The following KAT6A variants were observed in gnomAD, a reference collection of about 807,000 sequenced individuals.
KAT6A encodes the protein lysine acetyltransferase 6A.
A neutral mutation model predicts 198.4 loss-of-function variants in KAT6A; 9 were observed. The observed-to-expected ratio is 0.05, with a 90% confidence interval of 0.03 to 0.08. The LOEUF (loss-of-function observed/expected upper bound fraction) is 0.08. Ranked by LOEUF, KAT6A falls within the 10% of genes least tolerant of loss-of-function variation. The pLI is 1.00. For synonymous variants in KAT6A, 890 were observed against 883.0 expected, an observed-to-expected ratio of 1.01 and a Z score of -0.14; for missense variants, 2,077 against 2,509.9, an observed-to-expected ratio of 0.83 and a Z score of 3.69.
At chr8:41,979,897 G>A (rs887129927) in intron 5 of KAT6A, among the ~76,000 whole-genome samples, 17 of 152,164 alleles carry the variant, frequency 1.1e-4, no homozygotes, top group African/African-American at 4.1e-4. Context: ...TACATGGGAG[G>A]CTGAGGCAGA....
chr8:42,009,364 T>G (rs1390563320), intron 2 of KAT6A, among the ~76,000 whole-genome samples: 3 of 151,626 alleles, frequency 2.0e-5, no homozygotes, highest in African/African-American at 7.3e-5. Context: ...CTTAGGAAAC[T>G]TCACAGGAAC....
At position 41,950,277 on chromosome 8, in the gene KAT6A, C is replaced by T. The variant is rs116718469; in HGVS notation, c.1599-914G>A. Among the ~76,000 whole-genome samples, 854 of 152,268 alleles carry T rather than the reference C, an allele frequency of 5.6e-3. 9 individuals are homozygous for T. The highest frequency in any genetic ancestry group is 0.019 in the African/African-American group (804 of 41,560). ...CTTCTTCACCACCACAGCTACAAAT[C>T]ACAGAATGAAATGGCTTGTTATAAA... On this transcript the variant is annotated intron_variant, in intron 9 of 16. Transcript: ENST00000265713.
At chr8:41,947,424 G>C (rs957495426) in intron 11 of KAT6A, among the ~76,000 whole-genome samples, 4 of 152,242 alleles carry the variant, frequency 2.6e-5, no homozygotes, top group African/African-American at 9.6e-5. Flanking sequence ...AAATAAGGAA[G>C]AGAAGATTGA....
At chr8:41,938,129 C>T (rs1244908220) in intron 15 of KAT6A, among the ~76,000 whole-genome samples, 7 of 152,184 alleles carry the variant, frequency 4.6e-5, no homozygotes, top group Non-Finnish European at 1.0e-4. Flanking sequence ...CTGAGCACAA[C>T]TTTGCACTGG....
rs373345297 is a variant in KAT6A at position 41,956,139 on chromosome 8, T to C, written c.1483-728A>G. ...GAATAATTTTTAAAGCCTTTATGAC[T>C]TCCCTGACTTTCCAGATCAGAAATT... On this transcript the variant is annotated intron_variant, in intron 8 of 16. Coordinates refer to ENST00000265713, the MANE Select transcript of KAT6A (RefSeq NM_006766.5). Among the ~76,000 whole-genome samples, 14 of 152,318 alleles carry C rather than the reference T, an allele frequency of 9.2e-5. No individual in the cohort carries two copies. The East Asian group carries it at 2.7e-3, about 29-fold the overall frequency.
In KAT6A at chr8:41,937,334, C is replaced by T; in HGVS notation, c.3274G>A (p.Asp1092Asn). 1.2e-6 allele frequency: 2 copies of T among 1,614,098 alleles called. No individual in the cohort carries two copies. The highest frequency in any genetic ancestry group is 1.7e-6 in the Non-Finnish European group (2 of 1,179,968). ...GAAGAGGACTGACACCTGAGTACATCCTGCGAAGACAAACGACGGAAGTAT... is the reference window on the plus strand; with the variant it reads ...GAAGAGGACTGACACCTGAGTACATTCTGCGAAGACAAACGACGGAAGTAT... ...REYFRRLSSQ[D>N]VLRCQSSSKR... Residue 1092 changes from aspartate (D) to asparagine (N), a missense_variant, in exon 16 of 17, where the codon GAT becomes AAT. Transcript: ENST00000265713.
chr8:41,984,313 T>A (rs1824499009), intron 3 of KAT6A, among the ~76,000 whole-genome samples: 1 of 152,152 alleles, frequency 6.6e-6, no homozygotes, highest in South Asian at 2.1e-4. Flanking sequence ...CACCTCACTC[T>A]CTCTCAGACA....
At chr8:41,990,898 G>A (rs558404281) in intron 2 of KAT6A, among the ~76,000 whole-genome samples, 3 of 151,464 alleles carry the variant, frequency 2.0e-5, no homozygotes, top group East Asian at 3.9e-4. Flanking sequence ...AGGAGGCTGA[G>A]GCAGAAGAAT....
chr8:41,941,290 C>A lies in KAT6A; in HGVS notation c.2591G>T (p.Arg864Leu). The A allele has an allele frequency of 1.9e-6, 3 of 1,614,104 alleles. No homozygotes were observed. Among genetic ancestry groups the A allele is most frequent in the Non-Finnish European group, 2.5e-6 (3 of 1,180,036 alleles). Residue 864 changes from arginine to leucine, a missense_variant, in exon 15 of 17, where the codon CGG (arginine) becomes CTG (leucine). Arg to Leu is a moderately radical substitution (Grantham distance 102). This residue lies in a region of KAT6A where 301 missense variants were observed against 272.2 expected (regional missense o/e 1.11). Coordinates refer to ENST00000265713, the MANE Select transcript of KAT6A (RefSeq NM_006766.5). ...DSLPANSQPSRRGRWGRKNRK... is the reference protein window; with the variant it reads ...DSLPANSQPSLRGRWGRKNRK... The stretch of plus-strand genomic sequence containing the variant: ...GTTCTTCCTCCCCCAGCGGCCCCTC[C>A]GAGATGGCTGGCTATTTGCAGGAAG...
At chr8:41,978,936 T>C (rs1050832564) in intron 5 of KAT6A, among the ~76,000 whole-genome samples, 159 bp from the exon 6 acceptor site, 4 of 152,138 alleles carry the variant, frequency 2.6e-5, no homozygotes, top group Admixed American at 6.5e-5. Context: ...CATTAAAACA[T>C]ATACACACAA....
chr8:41,937,119 T>TA, intron 16 of KAT6A, 137 bp downstream of exon 16: 2 of 641,236 alleles, frequency 3.1e-6, no homozygotes, highest in South Asian at 2.1e-5. Flanking sequence ...TACAACTTTT[T>TA]AGAGATTGCC....
chr8:41,952,638 C>G (rs1822721278), intron 9 of KAT6A, among the ~76,000 whole-genome samples: 1 of 152,130 alleles, frequency 6.6e-6, no homozygotes, highest in South Asian at 2.1e-4. Flanking sequence ...TTGTTTGCTC[C>G]TATTGCCCTG....
intron 2 of KAT6A, among the ~76,000 whole-genome samples, chr8:42,004,936 A>C (rs944535657): frequency 1.4e-4 from 22 of 152,132 alleles, no homozygotes; most frequent in Non-Finnish European, 2.9e-4. Flanking sequence ...CTCTAAAAAA[A>C]AAAAAGGCAC....
intron 2 of KAT6A, among the ~76,000 whole-genome samples, chr8:42,036,048 G>C (rs915367968): frequency 2.0e-5 from 3 of 152,050 alleles, no homozygotes; most frequent in Non-Finnish European, 2.9e-5. Flanking sequence ...TAGCAAAGCG[G>C]GCAGAAATAA....
rs180980117 is a variant in KAT6A, at chr8:41,954,158, C to A, written c.1598+1138G>T. On this transcript the variant is annotated intron_variant, in intron 9 of 16. Transcript: ENST00000265713. ...TCAGTGTCTGAAATGGCATTCTTACCCCTATTTTTCTACTTCGACTGTAGA... is the reference window on the plus strand; with the variant it reads ...TCAGTGTCTGAAATGGCATTCTTACACCTATTTTTCTACTTCGACTGTAGA... Among the ~76,000 whole-genome samples, 560 of 152,108 alleles carry A rather than the reference C, an allele frequency of 3.7e-3. 2 individuals carry two copies. The highest frequency in any genetic ancestry group is 6.4e-3 in the Non-Finnish European group (433 of 67,998).
chr8:41,936,121 G>A (rs2929895), intron 16 of KAT6A, among the ~76,000 whole-genome samples: 39,711 of 151,986 alleles, frequency 0.26, 5,359 homozygotes, highest in East Asian at 0.37. Flanking sequence ...AATTAGCCAG[G>A]CATGGTGGCG....
chr8:41,936,745 G>T (rs1227711195), intron 16 of KAT6A, among the ~76,000 whole-genome samples: 3 of 152,174 alleles, frequency 2.0e-5, no homozygotes, highest in African/African-American at 4.8e-5. Flanking sequence ...TACAATTCAG[G>T]AAAGACTCCT....
intron 11 of KAT6A, among the ~76,000 whole-genome samples, chr8:41,946,939 A>T (rs1353069252): frequency 6.6e-6 from 1 of 152,206 alleles, no homozygotes; most frequent in Non-Finnish European, 1.5e-5. Context: ...TCTGCAACTC[A>T]AACACAGTAC....
At chr8:42,051,553 G>GGCCGCTC (rs2150934768) in intron 1 of KAT6A, among the ~76,000 whole-genome samples, 1 of 144,360 alleles carries the variant, frequency 6.9e-6, no homozygotes, top group East Asian at 2.0e-4. Context: ...CCGCGGCCTG[G>GGCCGCTC]GCCGCTCGCC....
Sources: gnomAD v4.1 joint callset for allele counts (sites outside exome capture counted in the v4.1 genomes callset) on GRCh38, gnomAD v4.1.1 for gene constraint, gnomAD v4.1.1 regional missense constraint, MANE v1.5 for transcripts, NCBI Gene and HGNC (gene_info 2026-07-23, HGNC 2026-07-21) for gene names.